The following SULT1B1 variants were observed in gnomAD, a reference collection of about 807,000 sequenced individuals.
The protein encoded by SULT1B1 is sulfotransferase family 1B member 1.
A neutral mutation model predicts 34.6 loss-of-function variants in SULT1B1; 28 were observed. The ratio of observed to expected loss-of-function variants is 0.81; its 90% CI spans 0.60 to 1.11. The LOEUF (loss-of-function observed/expected upper bound fraction) is 1.11, where lower values mean the gene tolerates loss of function less well. SULT1B1 is among the 50% of genes least tolerant of loss of function. The pLI is 0.00. For synonymous variants in SULT1B1, 147 were observed against 110.2 expected (o/e 1.33, Z -2.09); for missense variants, 374 against 352.2 (o/e 1.06, Z -0.50).
At chr4:69,747,620 C>T (rs961653013) in intron 4 of SULT1B1, among the ~76,000 whole-genome samples, 1 of 152,312 alleles carries the variant, frequency 6.6e-6, no homozygotes, top group Admixed American at 6.5e-5. Context: ...GGCCATGTTC[C>T]ACTGCAGCTA....
rs1187468982 is a variant in SULT1B1, at chr4:69,727,213, A to T, written c.779-13T>A. The T allele has an allele frequency of 6.3e-7, 1 of 1,589,232 alleles. No individual in the cohort carries two copies. The highest frequency in any genetic ancestry group is 1.1e-5 in the South Asian group (1 of 87,986). ...TCACCAGCCGTCCCTAAAGGTAAATAAAAAAACATAGGAAAGAATAAAATA... is the reference window on the plus strand; with the variant it reads ...TCACCAGCCGTCCCTAAAGGTAAATTAAAAAACATAGGAAAGAATAAAATA... On this transcript the variant is annotated splice_polypyrimidine_tract_variant and intron_variant, in intron 7 of 7. Transcript: ENST00000310613.
chr4:69,744,301 C>T (rs530764575), intron 4 of SULT1B1, among the ~76,000 whole-genome samples: 115 of 152,306 alleles, frequency 7.6e-4, no homozygotes, highest in African/African-American at 2.5e-3. Flanking sequence ...GGAGGCGCAG[C>T]GGCCCTGGCC....
intron 4 of SULT1B1, 75 bp from the exon 5 acceptor site, chr4:69,734,339 G>A (rs927295557): frequency 2.0e-5 from 30 of 1,488,064 alleles, no homozygotes; most frequent in Middle Eastern, 3.5e-4. Flanking sequence ...TAACCTATAC[G>A]CATGTAAAAA....
chr4:69,756,978 C>G (rs868300217), intron 1 of SULT1B1, among the ~76,000 whole-genome samples: 3 of 136,484 alleles, frequency 2.2e-5, no homozygotes, highest in African/African-American at 8.8e-5. Flanking sequence ...CACACACACA[C>G]AGACACACAC....
chr4:69,730,021 A>T (rs1051685353), intron 7 of SULT1B1, among the ~76,000 whole-genome samples: 2 of 152,148 alleles, frequency 1.3e-5, no homozygotes, highest in African/African-American at 4.8e-5. Context: ...CAGAGGGCTA[A>T]AACTTCTTAT....
chr4:69,742,918 A>G (rs1266423057), intron 4 of SULT1B1, among the ~76,000 whole-genome samples: 1 of 152,224 alleles, frequency 6.6e-6, no homozygotes, highest in Non-Finnish European at 1.5e-5. Context: ...CAGCTGGACC[A>G]GGCACACCAT....
intron 1 of SULT1B1, among the ~76,000 whole-genome samples, chr4:69,756,069 C>A (rs76283369): frequency 0.016 from 2,402 of 152,232 alleles, 29 homozygotes; most frequent in Middle Eastern, 0.041. Context: ...TCTGTCTTTA[C>A]TCCTATCCAG....
At chr4:69,742,952 G>A (rs1041027500) in intron 4 of SULT1B1, among the ~76,000 whole-genome samples, 4 of 152,188 alleles carry the variant, frequency 2.6e-5, no homozygotes, top group East Asian at 3.9e-4. Context: ...AGCTGATACC[G>A]AGGAACACAG....
intron 6 of SULT1B1, among the ~76,000 whole-genome samples, chr4:69,732,425 T>A (rs1453894209): frequency 6.6e-6 from 1 of 152,142 alleles, no homozygotes; most frequent in African/African-American, 2.4e-5. Flanking sequence ...AAGTTTTGGA[T>A]ATTACCACTC....
Position 69,744,678 on chromosome 4 carries a change from T to C in SULT1B1, c.375+5043A>G, listed in dbSNP as rs143766195. ...ATTTATTCTTTCAAAAAACAAACTT[T>C]TGTTTTTGTTGATTTTTTTGTCTGG... On this transcript the variant is annotated intron_variant, in intron 4 of 7. Transcript: ENST00000310613. Among the ~76,000 whole-genome samples the C allele has an allele frequency of 8.5e-5, 13 of 152,314 alleles. No individual in the cohort carries two copies. In the East Asian group the frequency reaches 1.7e-3, roughly 20 times the overall value.
At chr4:69,731,496 C>T (rs1718078946) in intron 6 of SULT1B1, among the ~76,000 whole-genome samples, 1 of 152,176 alleles carries the variant, frequency 6.6e-6, no homozygotes, top group African/African-American at 2.4e-5. Flanking sequence ...AAGCAGAGTC[C>T]TGGCTCTGGC....
At chr4:69,752,176 A>G (rs918550508) in intron 3 of SULT1B1, among the ~76,000 whole-genome samples, 9 of 152,246 alleles carry the variant, frequency 5.9e-5, no homozygotes, top group Non-Finnish European at 2.9e-5. Context: ...ATGCTAAGTA[A>G]AAAATGTTGA....
rs1717706759 is a variant in SULT1B1 at position 69,723,141 on chromosome 4, G to T, written c.*3947C>A. 6.6e-6 allele frequency: 1 copy of T among 151,526 alleles called. No homozygotes were observed. Among genetic ancestry groups the T allele is most frequent in the Non-Finnish European group, 1.5e-5 (1 of 67,896 alleles). The allele number at this position is 151,526 out of a possible 1,614,324, so 9.4% of individuals were successfully genotyped here. ...GACCACCAGCAAGACTAATAAAGAAGAAAAGAGAGAAGAATCAAATAGATG... is the reference window on the plus strand; with the variant it reads ...GACCACCAGCAAGACTAATAAAGAATAAAAGAGAGAAGAATCAAATAGATG... On this transcript the variant is annotated 3_prime_UTR_variant, in exon 8 of 8. Coordinates refer to ENST00000310613, the MANE Select transcript of SULT1B1 (RefSeq NM_014465.4).
chr4:69,750,143 G>T (rs1173589805), intron 3 of SULT1B1, among the ~76,000 whole-genome samples: 1 of 152,014 alleles, frequency 6.6e-6, no homozygotes, highest in African/African-American at 2.4e-5. Context: ...TTAATAATTT[G>T]GAGTTTTATT....
In SULT1B1 at chr4:69,725,306, CA is replaced by C. The variant is rs1407662631; in HGVS notation, c.*1781del. 7 of 152,246 alleles carry C rather than the reference CA, an allele frequency of 4.6e-5. No individual in the cohort carries two copies. Among genetic ancestry groups the C allele is most frequent in the Non-Finnish European group, 7.4e-5 (5 of 68,020 alleles). The allele number at this position is 152,246 out of a possible 1,614,324, so 9.4% of individuals were successfully genotyped here. On this transcript the variant is annotated 3_prime_UTR_variant, in exon 8 of 8. Coordinates refer to ENST00000310613, the MANE Select transcript of SULT1B1 (RefSeq NM_014465.4). ...CACTGGCCATCAGGGAAATGCAAAT[CA>C]AAACCACAATGAGATACCATCTCAC...
In SULT1B1 at chr4:69,725,426, G is replaced by C. The variant is rs1423397424; in HGVS notation, c.*1662C>G. 10 of 152,208 alleles carry C rather than the reference G, an allele frequency of 6.6e-5. No homozygotes were observed. The East Asian group carries it at 1.7e-3, about 26-fold the overall frequency. 9.4% of individuals were successfully genotyped at this position (152,208 alleles called of 1,614,324 possible). A position where few individuals can be genotyped will look rare whatever the true frequency, so the allele number is the denominator to read the frequency against. Reference sequence around the variant, plus strand: ...GAACACTTTTACACTTTTGGTGGGAGTGTAAACTAGTTCAACCATTGTGGA... The same window carrying C: ...GAACACTTTTACACTTTTGGTGGGACTGTAAACTAGTTCAACCATTGTGGA... On this transcript the variant is annotated 3_prime_UTR_variant, in exon 8 of 8. Coordinates refer to ENST00000310613, the MANE Select transcript of SULT1B1 (RefSeq NM_014465.4).
chr4:69,749,691 T>TA, intron 4 of SULT1B1, 30 bp downstream of exon 4: 1 of 1,542,444 alleles, frequency 6.5e-7, no homozygotes, highest in Non-Finnish European at 9.0e-7. Context: ...AGGGCCATAC[T>TA]AAAAAACTGA....
At chr4:69,751,743 C>T (rs1484218198) in intron 3 of SULT1B1, among the ~76,000 whole-genome samples, 1 of 152,336 alleles carries the variant, frequency 6.6e-6, no homozygotes, top group African/African-American at 2.4e-5. Flanking sequence ...TGAGCCACCG[C>T]GCCCGGCCTA....
At chr4:69,759,988 C>T in intron 1 of SULT1B1, among the ~76,000 whole-genome samples, 1 of 152,180 alleles carries the variant, frequency 6.6e-6, no homozygotes, top group East Asian at 1.9e-4. Context: ...CAATTTCTTT[C>T]ATTTGTCATA....
Sources: allele counts gnomAD v4.1 joint callset (sites outside exome capture counted in the v4.1 genomes callset), GRCh38; gene constraint gnomAD v4.1.1; transcripts MANE v1.5; gene names NCBI Gene and HGNC (gene_info 2026-07-23, HGNC 2026-07-21).